PRR16: variants seen among roughly 807,000 people sequenced by gnomAD.
The protein encoded by PRR16 is protein Largen.
In PRR16, 6 loss-of-function variants were observed where a neutral mutation model predicts 18.2. The ratio of observed to expected loss-of-function variants is 0.33; its 90% CI spans 0.18 to 0.65. The LOEUF is 0.65. Among genes scored for constraint, PRR16 ranks in the 30% least tolerant of loss-of-function variants. PRR16 has a pLI of 0.74. For missense variants in PRR16, 412 were observed against 376.6 expected (o/e 1.09, Z -0.78); for synonymous variants, 151 against 147.8 (o/e 1.02, Z -0.16).
At chr5:120,770,596 C>G in the PRR16 span, among the ~76,000 whole-genome samples, 2 of 151,858 alleles carry the variant, frequency 1.3e-5, no homozygotes, top group Non-Finnish European at 2.9e-5. Flanking sequence ...TAAAAATGTT[C>G]TGCAAAACAA....
At chr5:120,792,707 G>A in the PRR16 span, among the ~76,000 whole-genome samples, 1 of 152,066 alleles carries the variant, frequency 6.6e-6, no homozygotes, top group Admixed American at 6.5e-5. Flanking sequence ...TGCTCACTAT[G>A]GGACATGAAT....
chr5:120,656,967 G>C (rs1234714253), intron 1 of PRR16, among the ~76,000 whole-genome samples: 3 of 151,916 alleles, frequency 2.0e-5, no homozygotes, highest in Non-Finnish European at 4.4e-5. Context: ...TGGGGCTTTG[G>C]AATGAGAAAT....
the PRR16 span, among the ~76,000 whole-genome samples, chr5:120,707,020 G>A: frequency 6.6e-6 from 1 of 152,142 alleles, no homozygotes; most frequent in African/African-American, 2.4e-5. Context: ...CCCAGATTGA[G>A]AAGATCTTCC....
intron 1 of PRR16, among the ~76,000 whole-genome samples, chr5:120,611,585 C>T (rs1754336045): frequency 6.6e-6 from 1 of 152,208 alleles, no homozygotes; most frequent in Non-Finnish European, 1.5e-5. Context: ...GGTGGAAACC[C>T]CAAGCCTTGG....
chr5:120,563,438 G>C (rs960177765), intron 1 of PRR16, among the ~76,000 whole-genome samples: 1 of 152,162 alleles, frequency 6.6e-6, no homozygotes, highest in African/African-American at 2.4e-5. Context: ...AGCTAAGCTG[G>C]CATCAAACCA....
chr5:120,632,608 C>A (rs185487498), intron 1 of PRR16, among the ~76,000 whole-genome samples: 1 of 151,978 alleles, frequency 6.6e-6, no homozygotes, highest in Non-Finnish European at 1.5e-5. Context: ...GCAATAGACT[C>A]GAAGAAGCGG....
At chr5:120,589,379 A>G (rs1753556365) in intron 1 of PRR16, among the ~76,000 whole-genome samples, 1 of 152,130 alleles carries the variant, frequency 6.6e-6, no homozygotes, top group African/African-American at 2.4e-5. Flanking sequence ...TTGCTATAAC[A>G]TAGTTTAGTC....
intron 1 of PRR16, among the ~76,000 whole-genome samples, chr5:120,521,470 T>G (rs1751178036): frequency 6.6e-6 from 1 of 152,150 alleles, no homozygotes; most frequent in Non-Finnish European, 1.5e-5. Flanking sequence ...AATTACAGTC[T>G]GCTGATCTTT....
chr5:120,492,267 TGTGTGTG>T (rs1315843374), intron 1 of PRR16, among the ~76,000 whole-genome samples: 27 of 148,642 alleles, frequency 1.8e-4, no homozygotes, highest in African/African-American at 6.7e-4. Context: ...TGTGTGTGTG[TGTGTGTG>T]TGTGTGTGTG....
chr5:120,556,868 A>G (rs1327399796), intron 1 of PRR16, among the ~76,000 whole-genome samples: 5 of 151,798 alleles, frequency 3.3e-5, no homozygotes, highest in African/African-American at 1.2e-4. Context: ...CCTTTCCCCA[A>G]ACAGTATTAA....
chr5:120,589,593 G>A (rs937929886), intron 1 of PRR16, among the ~76,000 whole-genome samples: 2 of 152,068 alleles, frequency 1.3e-5, no homozygotes, highest in Non-Finnish European at 2.9e-5. Context: ...GGCTGGGGAG[G>A]CCTCAGAACC....
At chr5:120,490,568 G>C (rs1325570515) in intron 1 of PRR16, among the ~76,000 whole-genome samples, 1 of 152,004 alleles carries the variant, frequency 6.6e-6, no homozygotes, top group Non-Finnish European at 1.5e-5. Context: ...CTTTTTTCAA[G>C]GTATTTAACT....
the PRR16 span, among the ~76,000 whole-genome samples, chr5:120,724,794 T>C: frequency 6.6e-6 from 1 of 152,068 alleles, no homozygotes; most frequent in Non-Finnish European, 1.5e-5. Context: ...GTAACTCATT[T>C]ATTGTTTCAT....
At chr5:120,770,998 G>A in the PRR16 span, among the ~76,000 whole-genome samples, 2 of 148,760 alleles carry the variant, frequency 1.3e-5, no homozygotes, top group African/African-American at 5.0e-5. Context: ...TTATTTGAAT[G>A]TCTATCTTTA....
chr5:120,742,128 TATA>T, the PRR16 span, among the ~76,000 whole-genome samples: 3 of 152,034 alleles, frequency 2.0e-5, no homozygotes, highest in African/African-American at 2.4e-5. Context: ...TTATACAATA[TATA>T]ATATTTCATT....
chr5:120,693,371 A>G, the PRR16 span, among the ~76,000 whole-genome samples: 2 of 152,238 alleles, frequency 1.3e-5, no homozygotes, highest in African/African-American at 2.4e-5. Context: ...GTAATAAACA[A>G]TATCAACAGA....
the PRR16 span, among the ~76,000 whole-genome samples, chr5:120,733,361 G>A: frequency 6.6e-6 from 1 of 151,980 alleles, no homozygotes; most frequent in Non-Finnish European, 1.5e-5. Context: ...TGGTGCCCAG[G>A]CTGGTCTTGA....
intron 1 of PRR16, among the ~76,000 whole-genome samples, chr5:120,591,228 G>A (rs548816940): frequency 1.5e-4 from 23 of 152,050 alleles, no homozygotes; most frequent in South Asian, 1.2e-3. Flanking sequence ...GCAGTGAGCC[G>A]AGATCGTGCC....
At chr5:120,683,030 GGTTTGTGCAAAC>G (rs1202763735) in intron 1 of PRR16, among the ~76,000 whole-genome samples, 1 of 152,088 alleles carries the variant, frequency 6.6e-6, no homozygotes, top group Non-Finnish European at 1.5e-5. Flanking sequence ...AAGAAATAAT[GGTTTGTGCAAAC>G]ATTCTGTGGC....
Sources: allele counts gnomAD v4.1 joint callset (sites outside exome capture counted in the v4.1 genomes callset), GRCh38; gene constraint gnomAD v4.1.1; transcripts MANE v1.5; gene names NCBI Gene and HGNC (gene_info 2026-07-23, HGNC 2026-07-21).